CAMK2A: variants seen among roughly 807,000 people sequenced by gnomAD.
The protein encoded by CAMK2A is calcium/calmodulin-dependent protein kinase type II subunit alpha.
Under a neutral mutation model 79.2 loss-of-function variants are expected in CAMK2A, and 7 were observed. The ratio of observed to expected loss-of-function variants is 0.09; its 90% CI spans 0.05 to 0.17. The LOEUF (loss-of-function observed/expected upper bound fraction) is 0.17, where lower values mean the gene tolerates loss of function less well. Among genes scored for constraint, CAMK2A ranks in the 10% least tolerant of loss-of-function variants. CAMK2A has a pLI of 1.00. For missense variants in CAMK2A, 214 were observed against 646.4 expected (o/e 0.33, Z 7.25); for synonymous variants, 242 against 251.7 (o/e 0.96, Z 0.36).
chr5:150,226,743 A>AGG (rs1754615485), intron 17 of CAMK2A, among the ~76,000 whole-genome samples: 2 of 108,490 alleles, frequency 1.8e-5, no homozygotes, highest in Non-Finnish European at 3.8e-5. Flanking sequence ...AAAAAAAAAA[A>AGG]AGGGGGGGGG....
intron 15 of CAMK2A, among the ~76,000 whole-genome samples, chr5:150,232,311 T>C (rs532081262): frequency 9.2e-5 from 14 of 152,354 alleles, no homozygotes; most frequent in African/African-American, 3.1e-4. Flanking sequence ...GGTGATGTGA[T>C]GTACACAAAG....
chr5:150,256,516 A>T lies in CAMK2A; in HGVS notation c.411+57T>A. ...AATGTCCAGCTCTGCAGGATTAGGG[A>T]CGTGCAGAGGAGAGAGGGGCTCCCG... On this transcript the variant is annotated intron_variant, in intron 6 of 18. Coordinates refer to ENST00000671881, the MANE Select transcript of CAMK2A (RefSeq NM_015981.4). The surrounding 1 kb of genome is among the most constrained non-coding windows in gnomAD (Gnocchi z 4.6). The T allele has an allele frequency of 8.8e-7, 1 of 1,136,242 alleles. No homozygotes were observed. The highest frequency in any genetic ancestry group is 1.3e-6 in the Non-Finnish European group (1 of 748,772). 70.4% of individuals were successfully genotyped at this position (1,136,242 alleles called of 1,614,324 possible).
chr5:150,271,515 C>T (rs952126263), intron 2 of CAMK2A, among the ~76,000 whole-genome samples: 1 of 152,202 alleles, frequency 6.6e-6, no homozygotes, highest in African/African-American at 2.4e-5. Context: ...CGAACCTGCA[C>T]CTGCTGGGCC....
intron 2 of CAMK2A, among the ~76,000 whole-genome samples, chr5:150,270,750 G>A (rs891692165): frequency 6.6e-6 from 1 of 152,030 alleles, no homozygotes; most frequent in African/African-American, 2.4e-5. Flanking sequence ...ACTCACCTAG[G>A]CCGGGCCACC....
chr5:150,280,210 A>G (rs1408648180), intron 1 of CAMK2A, among the ~76,000 whole-genome samples: 1 of 152,168 alleles, frequency 6.6e-6, no homozygotes, highest in African/African-American at 2.4e-5. Flanking sequence ...GCCACGTTAC[A>G]TCTGTGAGTC....
chr5:150,244,515 G>A (rs1376823190), intron 13 of CAMK2A, among the ~76,000 whole-genome samples: 1 of 152,270 alleles, frequency 6.6e-6, no homozygotes, highest in Non-Finnish European at 1.5e-5. Flanking sequence ...AGGCCCCAGA[G>A]AGCAGAGGGA....
intron 1 of CAMK2A, among the ~76,000 whole-genome samples, chr5:150,287,937 C>CTGTGTGTGTGTGTG (rs57886187): frequency 6.4e-5 from 9 of 140,876 alleles, no homozygotes; most frequent in African/African-American, 2.1e-4. Context: ...AGGATAGCCT[C>CTGTGTGTGTGTGTG]TGTGTGTGTG....
intron 7 of CAMK2A, among the ~76,000 whole-genome samples, chr5:150,252,384 C>A (rs1755875631): frequency 6.6e-6 from 1 of 152,198 alleles, no homozygotes; most frequent in African/African-American, 2.4e-5. Context: ...AGCTTCTCAG[C>A]ACCACTCTTC....
intron 1 of CAMK2A, among the ~76,000 whole-genome samples, chr5:150,274,211 T>G (rs556913005): frequency 1.3e-5 from 2 of 152,360 alleles, no homozygotes; most frequent in South Asian, 2.1e-4. Flanking sequence ...AAGAGGCTCT[T>G]GGGATTTTAT....
Position 150,289,758 on chromosome 5 carries a change from C to T in CAMK2A, c.-133G>A, listed in dbSNP as rs950726853. On this transcript the variant is annotated 5_prime_UTR_variant, in exon 1 of 19. Coordinates refer to ENST00000671881, the MANE Select transcript of CAMK2A (RefSeq NM_015981.4). The stretch of plus-strand genomic sequence containing the variant: ...GCAAACAGAGAACCGGTTTGACTGA[C>T]GAGCCCGGGGCTTCTGAGCAGGGCA... 23 of 658,168 alleles carry T rather than the reference C, an allele frequency of 3.5e-5. No individual in the cohort carries two copies. Among genetic ancestry groups the T allele is most frequent in the South Asian group, 1.6e-4 (8 of 51,362 alleles). 40.8% of individuals were successfully genotyped at this position (658,168 alleles called of 1,614,324 possible).
At chr5:150,227,515 G>A (rs143889577) in intron 17 of CAMK2A, among the ~76,000 whole-genome samples, 6 of 152,240 alleles carry the variant, frequency 3.9e-5, no homozygotes, top group East Asian at 3.9e-4. Flanking sequence ...ACCTGTGTGC[G>A]TTTTGGTTCA....
Position 150,228,246 on chromosome 5 carries a change from C to A in CAMK2A, c.1183G>T (p.Ala395Ser). Residue 395 changes from alanine to serine, a missense_variant, in exon 17 of 19, where the codon GCC becomes TCC. By Grantham distance (99) the Ala-to-Ser change is moderately conservative (BLOSUM62 1). This residue lies in a region of CAMK2A where 123 missense variants were observed against 242.4 expected (regional missense o/e 0.51). Transcript: ENST00000671881. ...AGGCCCTCAACCAGGTTCCCCAGGG[C>A]CTCAGGTTCGAAGGCTGTCATGCCA... ...DPGMTAFEPEALGNLVEGLDF... is the reference protein window; with the variant it reads ...DPGMTAFEPESLGNLVEGLDF... The A allele has an allele frequency of 6.2e-7, 1 of 1,614,020 alleles. No individual in the cohort carries two copies. Among genetic ancestry groups the A allele is most frequent in the South Asian group, 1.1e-5 (1 of 91,064 alleles).
At chr5:150,282,129 C>T (rs1003680959) in intron 1 of CAMK2A, among the ~76,000 whole-genome samples, 3 of 152,134 alleles carry the variant, frequency 2.0e-5, no homozygotes, top group Non-Finnish European at 4.4e-5. Flanking sequence ...CCCGTCCTCT[C>T]GACCGCCTGA....
intron 13 of CAMK2A, among the ~76,000 whole-genome samples, chr5:150,241,493 TTC>T (rs1755337116): frequency 7.5e-6 from 1 of 133,778 alleles, no homozygotes. Context: ...CTTCTCTTCC[TTC>T]CTCTCCTCTC....
At chr5:150,280,640 C>T (rs755891199) in intron 1 of CAMK2A, among the ~76,000 whole-genome samples, 4 of 152,150 alleles carry the variant, frequency 2.6e-5, no homozygotes, top group Non-Finnish European at 5.9e-5. Flanking sequence ...TGCCTCCTCC[C>T]ACCCTCACCA....
rs138921396 is a variant in CAMK2A at position 150,284,923 on chromosome 5, T to G, written c.62+4641A>C. Among the ~76,000 whole-genome samples, 399 of 152,260 alleles carry G rather than the reference T, an allele frequency of 2.6e-3. 1 individual carries two copies. The highest frequency in any genetic ancestry group is 4.3e-3 in the Non-Finnish European group (294 of 68,008). On this transcript the variant is annotated intron_variant, in intron 1 of 18. Transcript: ENST00000671881. The surrounding 1 kb of genome is among the most constrained non-coding windows in gnomAD (Gnocchi z 5.3). ...CTCCACAGAGGGAGGCTACAGAGCG[T>G]GGCATCTCTAATGGGGCATTGCAGG... is the stretch of plus-strand genomic sequence containing the variant.
chr5:150,252,261 G>T (rs1295629864), intron 7 of CAMK2A, among the ~76,000 whole-genome samples, 196 bp from the exon 8 acceptor site: 1 of 152,156 alleles, frequency 6.6e-6, no homozygotes, highest in Non-Finnish European at 1.5e-5. Flanking sequence ...AGCCAGCAAA[G>T]CCTCTAGATC....
In CAMK2A at chr5:150,231,675, T is replaced by C. The variant is rs549494201; in HGVS notation, c.1067-295A>G. ...ACAAAGGCCAGAGCCAGTGTCTCTG[T>C]TGGCGGTCTTTGCCTCTAATACATG... On this transcript the variant is annotated intron_variant, in intron 15 of 18. Transcript: ENST00000671881. 3.3e-5 allele frequency among the ~76,000 whole-genome samples: 5 copies of C among 151,710 alleles called. No homozygotes were observed. The South Asian group carries it at 8.4e-4, about 25-fold the overall frequency.
At chr5:150,287,512 G>A (rs763938180) in intron 1 of CAMK2A, among the ~76,000 whole-genome samples, 8 of 152,152 alleles carry the variant, frequency 5.3e-5, no homozygotes, top group Non-Finnish European at 8.8e-5. Flanking sequence ...GAAGGCTCAC[G>A]AAGGGTCTCT....
Sources: gnomAD v4.1 joint callset for allele counts (sites outside exome capture counted in the v4.1 genomes callset) on GRCh38, gnomAD v4.1.1 for gene constraint, gnomAD v4.1.1 regional missense constraint, Gnocchi (gnomAD v3.1) non-coding constraint, MANE v1.5 for transcripts, NCBI Gene and HGNC (gene_info 2026-07-23, HGNC 2026-07-21) for gene names.